DNM3: variants seen among roughly 807,000 people sequenced by gnomAD.
DNM3 encodes dynamin 3.
A neutral mutation model predicts 101.6 loss-of-function variants in DNM3; 47 were observed. That is an observed-to-expected ratio of 0.46 (90% CI 0.37 to 0.59). The LOEUF is 0.59. Ranked by LOEUF, DNM3 falls within the 20% of genes least tolerant of loss-of-function variation. The probability of loss-of-function intolerance (pLI) is 0.00; values close to 1 mark genes in which losing one functional copy is unlikely to be tolerated. For missense variants in DNM3, 849 were observed against 1,085.7 expected (o/e 0.78, Z 3.06); for synonymous variants, 385 against 387.9 (o/e 0.99, Z 0.09).
chr1:171,882,640 T>G (rs2036388532), intron 1 of DNM3, among the ~76,000 whole-genome samples: 1 of 152,172 alleles, frequency 6.6e-6, no homozygotes, highest in Admixed American at 6.5e-5. Flanking sequence ...CTTGGCCAAA[T>G]AAGTCATGAC....
intron 2 of DNM3, among the ~76,000 whole-genome samples, chr1:171,941,405 C>T (rs1477973539): frequency 6.6e-6 from 1 of 152,142 alleles, no homozygotes; most frequent in Non-Finnish European, 1.5e-5. Flanking sequence ...AGCAGAGTTA[C>T]CCACAGGAGT....
At chr1:172,367,893 TG>T (rs1235411880) in intron 17 of DNM3, among the ~76,000 whole-genome samples, 3 of 151,876 alleles carry the variant, frequency 2.0e-5, no homozygotes, top group South Asian at 2.1e-4. Context: ...AATTGAATCA[TG>T]GGGGTGGTTT....
At chr1:172,016,341 G>T (rs1269216492) in intron 4 of DNM3, among the ~76,000 whole-genome samples, 3 of 152,016 alleles carry the variant, frequency 2.0e-5, no homozygotes, top group African/African-American at 7.2e-5. Flanking sequence ...AATTTTTTCT[G>T]CATCTTTTTA....
chr1:172,194,474 CATT>C (rs1258595537), intron 14 of DNM3, among the ~76,000 whole-genome samples: 2 of 151,980 alleles, frequency 1.3e-5, no homozygotes, highest in African/African-American at 2.4e-5. Flanking sequence ...TAAAGTCTCC[CATT>C]ATTATATGTG....
At chr1:172,166,663 C>T (rs1408074275) in intron 14 of DNM3, among the ~76,000 whole-genome samples, 1 of 152,056 alleles carries the variant, frequency 6.6e-6, no homozygotes, top group Non-Finnish European at 1.5e-5. Flanking sequence ...AAAGTGTTTG[C>T]AGAATTAATT....
At chr1:172,003,640 A>G (rs1360407590) in intron 4 of DNM3, among the ~76,000 whole-genome samples, 1 of 151,888 alleles carries the variant, frequency 6.6e-6, no homozygotes, top group Non-Finnish European at 1.5e-5. Flanking sequence ...AATACAAGAA[A>G]AACTATTTTT....
chr1:172,245,850 G>C (rs1358681299), intron 14 of DNM3, among the ~76,000 whole-genome samples: 6 of 152,250 alleles, frequency 3.9e-5, no homozygotes, highest in Admixed American at 3.9e-4. Flanking sequence ...GTCATCCACA[G>C]GTGTATTAGT....
At chr1:171,915,603 G>T (rs1008809536) in intron 1 of DNM3, among the ~76,000 whole-genome samples, 3 of 152,038 alleles carry the variant, frequency 2.0e-5, no homozygotes, top group Non-Finnish European at 4.4e-5. Context: ...TGAAGGAGGA[G>T]AAACATTTGG....
At chr1:172,050,132 C>A (rs1233197109) in intron 10 of DNM3, among the ~76,000 whole-genome samples, 1 of 152,184 alleles carries the variant, frequency 6.6e-6, no homozygotes, top group Non-Finnish European at 1.5e-5. Flanking sequence ...TCTACCATCT[C>A]ACCAGTTGGA....
chr1:172,366,841 T>G (rs1160842494), intron 17 of DNM3, among the ~76,000 whole-genome samples: 1 of 150,838 alleles, frequency 6.6e-6, no homozygotes, highest in East Asian at 2.0e-4. Context: ...AAAAGAAAAA[T>G]AAAAAAGAAT....
Position 172,149,308 on chromosome 1 carries a change from A to C in DNM3, c.1659+18020A>C, listed in dbSNP as rs754671673. Among the ~76,000 whole-genome samples, 91 of 152,302 alleles carry C rather than the reference A, an allele frequency of 6.0e-4. 1 individual carries two copies. Among genetic ancestry groups the C allele is most frequent in the Non-Finnish European group, 2.2e-4 (15 of 68,012 alleles). On this transcript the variant is annotated intron_variant, in intron 14 of 20. Transcript: ENST00000627582. ...TGAATTTTACTAACCACTGGCGTGC[A>C]CAGCAGCCATTTTTATATTTCAGTA...
chr1:172,203,858 A>G (rs777916322), intron 14 of DNM3, among the ~76,000 whole-genome samples: 4 of 152,140 alleles, frequency 2.6e-5, no homozygotes, highest in African/African-American at 9.6e-5. Context: ...TTGGTTATTT[A>G]TGTTGTGTAT....
At chr1:171,847,563 A>G (rs561101742) in intron 1 of DNM3, among the ~76,000 whole-genome samples, 1 of 152,324 alleles carries the variant, frequency 6.6e-6, no homozygotes, top group East Asian at 1.9e-4. Flanking sequence ...GGAGAGATTA[A>G]AAATATAACT....
chr1:172,133,184 G>A (rs1016241933), intron 14 of DNM3: 4 of 1,284,180 alleles, frequency 3.1e-6, no homozygotes, highest in Non-Finnish European at 3.9e-6. Flanking sequence ...CTGGCTCTGT[G>A]AGTCCTGAAA....
In DNM3 at chr1:172,300,159, G is replaced by GT. The variant is rs773165168; in HGVS notation, c.1770-8560dup. Among the ~76,000 whole-genome samples, 725 of 150,790 alleles carry GT rather than the reference G, an allele frequency of 4.8e-3. 11 individuals carry two copies. Among genetic ancestry groups the GT allele is most frequent in the African/African-American group, 0.016 (656 of 41,184 alleles). ...TTAGTAATGTTGAGCATTTTTTCAT[G>GT]TTTTTTTTTGTTGCTTGTATGTCTT... is the stretch of plus-strand genomic sequence containing the variant. On this transcript the variant is annotated intron_variant, in intron 15 of 20. Transcript: ENST00000627582.
intron 15 of DNM3, among the ~76,000 whole-genome samples, chr1:172,272,726 A>G (rs1217943124): frequency 1.3e-5 from 2 of 152,140 alleles, no homozygotes; most frequent in East Asian, 3.8e-4. Flanking sequence ...CTCATGTTTC[A>G]TGGCAGCAAC....
At chr1:171,850,849 G>C (rs1243843203) in intron 1 of DNM3, among the ~76,000 whole-genome samples, 1 of 151,882 alleles carries the variant, frequency 6.6e-6, no homozygotes, top group Non-Finnish European at 1.5e-5. Flanking sequence ...GAGTAAGTGG[G>C]GAGATGAGAA....
intron 1 of DNM3, among the ~76,000 whole-genome samples, chr1:171,847,882 C>CTGTGTGTG (rs1308597471): frequency 5.1e-5 from 2 of 39,424 alleles, no homozygotes; most frequent in African/African-American, 2.6e-4. Flanking sequence ...ATTAATTACT[C>CTGTGTGTG]TCTCTCTCTC....
At chr1:172,304,815 A>G (rs2064700818) in intron 15 of DNM3, among the ~76,000 whole-genome samples, 1 of 152,232 alleles carries the variant, frequency 6.6e-6, no homozygotes, top group East Asian at 1.9e-4. Context: ...GCAGAAATAA[A>G]GACGTTCTTT....
Sources: gnomAD v4.1 joint callset for allele counts (sites outside exome capture counted in the v4.1 genomes callset) on GRCh38, gnomAD v4.1.1 for gene constraint, MANE v1.5 for transcripts, NCBI Gene and HGNC (gene_info 2026-07-23, HGNC 2026-07-21) for gene names.